PTPRQ: variants seen among roughly 807,000 people sequenced by gnomAD.
PTPRQ encodes phosphatidylinositol phosphatase PTPRQ.
PTPRQ carries 199 observed loss-of-function variants against 246.0 expected under a neutral mutation model. The ratio of observed to expected loss-of-function variants is 0.81; its 90% confidence interval spans 0.72 to 0.91. The LOEUF (loss-of-function observed/expected upper bound fraction) is 0.91, where lower values mean the gene tolerates loss of function less well. Among genes scored for constraint, PTPRQ ranks in the 40% least tolerant of loss-of-function variants. PTPRQ has a pLI of 0.00. For missense variants in PTPRQ, 2,624 were observed against 2,528.4 expected, an observed-to-expected ratio of 1.04 and a Z score of -0.81; for synonymous variants, 869 against 853.2, an observed-to-expected ratio of 1.02 and a Z score of -0.32.
rs908989269 is a variant in PTPRQ at position 80,539,747 on chromosome 12, T to C, written c.2986-29T>C. 3.3e-6 allele frequency: 5 copies of C among 1,507,394 alleles called. No homozygotes were observed. The Admixed American group carries it at 7.1e-5, about 22-fold the overall frequency. 93.4% of individuals were successfully genotyped at this position (1,507,394 alleles called of 1,614,324 possible). A position where few individuals can be genotyped will look rare whatever the true frequency, so the allele number is the denominator to read the frequency against. On this transcript the variant is annotated intron_variant, in intron 19 of 44. Transcript: ENST00000644991. ...GTTCATGCATACTAAAAAAATACATTCTGAACAATGAATGTGTTTATTTTT... is the reference window on the plus strand; with the variant it reads ...GTTCATGCATACTAAAAAAATACATCCTGAACAATGAATGTGTTTATTTTT...
At chr12:80,568,329 A>G (rs984271765) in intron 25 of PTPRQ, among the ~76,000 whole-genome samples, 12 of 152,076 alleles carry the variant, frequency 7.9e-5, no homozygotes, top group African/African-American at 2.9e-4. Context: ...CCTCTTTTCT[A>G]TGTTTCAGTT....
chr12:80,677,297 G>C (rs1300521602), intron 43 of PTPRQ, among the ~76,000 whole-genome samples: 1 of 151,932 alleles, frequency 6.6e-6, no homozygotes, highest in Non-Finnish European at 1.5e-5. Context: ...ACACACTCTT[G>C]GAATTACCTC....
intron 35 of PTPRQ, among the ~76,000 whole-genome samples, chr12:80,643,438 CAAAA>C (rs75925292): frequency 8.3e-6 from 1 of 120,706 alleles, no homozygotes; most frequent in African/African-American, 2.9e-5. Flanking sequence ...AATCCCATCT[CAAAA>C]AAAAAAAAAA....
intron 26 of PTPRQ, among the ~76,000 whole-genome samples, chr12:80,595,660 A>T (rs977138925): frequency 2.6e-5 from 4 of 151,390 alleles, no homozygotes; most frequent in African/African-American, 9.7e-5. Flanking sequence ...GGTGTGCTGC[A>T]CCCATTAACT....
chr12:80,631,144 C>G lies in PTPRQ; in HGVS notation c.5687-1048C>G, dbSNP rs374682668. Among the ~76,000 whole-genome samples the G allele has an allele frequency of 1.6e-4, 24 of 152,058 alleles. No individual in the cohort carries two copies. The South Asian group carries it at 5.0e-3, about 32-fold the overall frequency. ...ATAAAATGTAGTTCAGATAAGAAACCCAGAAAAGTATACATTTCAATTATA... is the reference window on the plus strand; with the variant it reads ...ATAAAATGTAGTTCAGATAAGAAACGCAGAAAAGTATACATTTCAATTATA... On this transcript the variant is annotated intron_variant, in intron 33 of 44. Transcript: ENST00000644991.
At chr12:80,460,525 C>T in intron 5 of PTPRQ, 128 bp from the exon 6 acceptor site, 1 of 394,114 alleles carries the variant, frequency 2.5e-6, no homozygotes, top group East Asian at 3.6e-5. Context: ...GCAAATTTGT[C>T]TATAACTTTT....
intron 19 of PTPRQ, among the ~76,000 whole-genome samples, chr12:80,538,031 C>T (rs962323180): frequency 2.6e-5 from 4 of 152,026 alleles, no homozygotes; most frequent in Non-Finnish European, 4.4e-5. Context: ...ATGGTGTGAA[C>T]CTGGGAGGTG....
intron 30 of PTPRQ, among the ~76,000 whole-genome samples, chr12:80,617,354 C>G (rs1213742653): frequency 6.6e-6 from 1 of 151,160 alleles, no homozygotes; most frequent in African/African-American, 2.4e-5. Context: ...ATCTTTTTGT[C>G]AATGGATTAT....
chr12:80,486,732 C>T (rs1204348869), intron 9 of PTPRQ, among the ~76,000 whole-genome samples: 4 of 152,094 alleles, frequency 2.6e-5, no homozygotes, highest in African/African-American at 9.7e-5. Flanking sequence ...GAAAAAGTAG[C>T]CTCATTCCCC....
At chr12:80,534,860 T>C (rs971697897) in intron 18 of PTPRQ, 32 bp from the exon 19 acceptor site, 2 of 1,540,684 alleles carry the variant, frequency 1.3e-6, no homozygotes, top group Non-Finnish European at 1.7e-6. Context: ...TAAACACAAA[T>C]ACAGTAATTT....
intron 35 of PTPRQ, among the ~76,000 whole-genome samples, chr12:80,636,075 A>G (rs1471202538): frequency 1.3e-5 from 2 of 152,200 alleles, no homozygotes; most frequent in East Asian, 1.9e-4. Context: ...TCTGATAAGC[A>G]AAGTCCTTCC....
At chr12:80,624,627 G>T (rs1026683315) in intron 33 of PTPRQ, among the ~76,000 whole-genome samples, 1 of 152,094 alleles carries the variant, frequency 6.6e-6, no homozygotes, top group Non-Finnish European at 1.5e-5. Context: ...CCATTTCTCT[G>T]GTTAATGGAT....
chr12:80,485,022 A>G (rs1045067516), intron 9 of PTPRQ, among the ~76,000 whole-genome samples: 1 of 151,060 alleles, frequency 6.6e-6, no homozygotes, highest in Non-Finnish European at 1.5e-5. Context: ...ATTCTGTTCT[A>G]TTTGGTCTTG....
intron 3 of PTPRQ, among the ~76,000 whole-genome samples, chr12:80,456,100 A>G (rs1209878262): frequency 6.6e-6 from 1 of 152,170 alleles, no homozygotes; most frequent in African/African-American, 2.4e-5. Context: ...TCTTCTTTGA[A>G]CCTTGAAAAT....
chr12:80,470,626 A>G (rs368882686), intron 7 of PTPRQ, among the ~76,000 whole-genome samples: 63 of 152,342 alleles, frequency 4.1e-4, no homozygotes, highest in African/African-American at 1.4e-3. Flanking sequence ...GCTGCCTTCA[A>G]CAACAGAAGG....
intron 8 of PTPRQ, among the ~76,000 whole-genome samples, chr12:80,480,558 C>T (rs1411840883): frequency 1.4e-5 from 2 of 145,594 alleles, no homozygotes; most frequent in South Asian, 4.6e-4. Context: ...ACACAAAAAA[C>T]CCTTCAAAAA....
chr12:80,510,315 C>G lies in PTPRQ; in HGVS notation c.2558-8C>G, dbSNP rs1326003022. On this transcript the variant is annotated splice_polypyrimidine_tract_variant and splice_region_variant and intron_variant, in intron 16 of 44. Transcript: ENST00000644991. ...TAAAACACATTATTCTATACCCTAACTTTACAGCTCCTGATTCTCCCCCTC... is the reference window on the plus strand; with the variant it reads ...TAAAACACATTATTCTATACCCTAAGTTTACAGCTCCTGATTCTCCCCCTC... 7 of 1,538,402 alleles carry G rather than the reference C, an allele frequency of 4.6e-6. No individual in the cohort carries two copies. The highest frequency in any genetic ancestry group is 6.1e-6 in the Non-Finnish European group (7 of 1,141,144).
chr12:80,667,695 A>G (rs1447353447), intron 39 of PTPRQ, among the ~76,000 whole-genome samples: 1 of 151,990 alleles, frequency 6.6e-6, no homozygotes, highest in Non-Finnish European at 1.5e-5. Context: ...AAAGAAATCA[A>G]CCAAAATGTT....
At position 80,680,044 on chromosome 12, in the gene PTPRQ, A is replaced by G. The variant is rs577487412; in HGVS notation, c.*1021A>G. 1 of 151,890 alleles carries G rather than the reference A, an allele frequency of 6.6e-6. No individual in the cohort carries two copies. The highest frequency in any genetic ancestry group is 1.5e-5 in the Non-Finnish European group (1 of 67,892). 9.4% of individuals were successfully genotyped at this position (151,890 alleles called of 1,614,324 possible). A position where few individuals can be genotyped will look rare whatever the true frequency, so the allele number is the denominator to read the frequency against. ...GAAAACAAAGAAATTAACCATGTATAGCAAATTCAAGGTTTCTTTATAGAA... is the reference window on the plus strand; with the variant it reads ...GAAAACAAAGAAATTAACCATGTATGGCAAATTCAAGGTTTCTTTATAGAA... On this transcript the variant is annotated 3_prime_UTR_variant, in exon 45 of 45. Transcript: ENST00000644991.
Sources: gnomAD v4.1 joint callset for allele counts (sites outside exome capture counted in the v4.1 genomes callset) on GRCh38, gnomAD v4.1.1 for gene constraint, MANE v1.5 for transcripts, NCBI Gene and HGNC (gene_info 2026-07-23, HGNC 2026-07-21) for gene names.